SVEP1: variants seen among roughly 807,000 people sequenced by gnomAD.
SVEP1 encodes the protein sushi, von Willebrand factor type A, EGF and pentraxin domain-containing protein 1.
In SVEP1, 164 loss-of-function variants were observed where a neutral mutation model predicts 367.3. That is an observed-to-expected ratio of 0.45 (90% CI 0.39 to 0.51). SVEP1 has a LOEUF of 0.51. Among genes scored for constraint, SVEP1 ranks in the 20% least tolerant of loss-of-function variants. SVEP1 has a pLI of 0.00. For synonymous variants in SVEP1, 1,666 were observed against 1,611.6 expected, an observed-to-expected ratio of 1.03 and a Z score of -0.81; for missense variants, 4,117 against 4,425.3, an observed-to-expected ratio of 0.93 and a Z score of 1.98.
rs749930156 is a variant in SVEP1 at position 110,579,554 on chromosome 9, A to G, written c.-11T>C. ...CAGGCGAGGCCACATCGCGCTGGAGACAGAGCGGCTGCCCCGGAGCGCAGG... is the reference window on the plus strand; with the variant it reads ...CAGGCGAGGCCACATCGCGCTGGAGGCAGAGCGGCTGCCCCGGAGCGCAGG... On this transcript the variant is annotated 5_prime_UTR_variant, in exon 1 of 48. Coordinates refer to ENST00000374469, the MANE Select transcript of SVEP1 (RefSeq NM_153366.4). This position sits in a 1 kb window ranked among gnomAD's most constrained non-coding sequence, Gnocchi z 5.3. 2 of 1,576,464 alleles carry G rather than the reference A, an allele frequency of 1.3e-6. No homozygotes were observed. Among genetic ancestry groups the G allele is most frequent in the Admixed American group, 3.6e-5 (2 of 55,934 alleles).
In SVEP1 at chr9:110,446,888, G is replaced by A. The variant is rs1215205831; in HGVS notation, c.4261+12C>T. The A allele has an allele frequency of 6.4e-5, 97 of 1,509,382 alleles. No homozygotes were observed. Among genetic ancestry groups the A allele is most frequent in the Non-Finnish European group, 8.2e-5 (93 of 1,128,944 alleles). 93.5% of individuals were successfully genotyped at this position (1,509,382 alleles called of 1,614,324 possible). On this transcript the variant is annotated intron_variant, in intron 25 of 47. Coordinates refer to ENST00000374469, the MANE Select transcript of SVEP1 (RefSeq NM_153366.4). ...TTAGTATTGTTATTAATAACACTGAGTTGATACATACCTGTTTCACACCTT... is the reference window on the plus strand; with the variant it reads ...TTAGTATTGTTATTAATAACACTGAATTGATACATACCTGTTTCACACCTT...
rs1829154156 is a variant in SVEP1, at chr9:110,479,640, T to C, written c.2482A>G (p.Lys828Glu). The C allele has an allele frequency of 1.2e-6, 2 of 1,604,298 alleles. No homozygotes were observed. The highest frequency in any genetic ancestry group is 1.7e-6 in the Non-Finnish European group (2 of 1,177,088). ...FSEAFETTLG[K>E]MVPSFCSDAE... ...AATGACCACTATTGATGTACCATTTTTCCCAGGGTCGTCTCAAATGCTTCA... is the reference window on the plus strand; with the variant it reads ...AATGACCACTATTGATGTACCATTTCTCCCAGGGTCGTCTCAAATGCTTCA... Residue 828 changes from lysine to glutamate, a missense_variant, in exon 13 of 48, where the codon AAA (lysine) becomes GAA (glutamate). Coordinates refer to ENST00000374469, the MANE Select transcript of SVEP1 (RefSeq NM_153366.4).
intron 27 of SVEP1, among the ~76,000 whole-genome samples, chr9:110,440,554 T>C (rs1166704879): frequency 2.6e-5 from 4 of 152,208 alleles, no homozygotes; most frequent in Non-Finnish European, 5.9e-5. Context: ...TACTTTCCGA[T>C]ACAGTGTGGT....
At chr9:110,522,518 A>G (rs994525097) in intron 3 of SVEP1, among the ~76,000 whole-genome samples, 2 of 152,198 alleles carry the variant, frequency 1.3e-5, no homozygotes, top group African/African-American at 4.8e-5. Flanking sequence ...ATAGCAATTT[A>G]CCACCCAGCA....
intron 17 of SVEP1, 94 bp from the exon 18 acceptor site, chr9:110,466,120 G>A (rs1002950964): frequency 7.0e-6 from 9 of 1,283,572 alleles, no homozygotes; most frequent in South Asian, 1.7e-5. Context: ...TTTTAGTTTA[G>A]GACAGAAGGA....
In SVEP1 at chr9:110,383,973, T is replaced by A. The variant is rs1281776208; in HGVS notation, c.10237+1925A>T. Among the ~76,000 whole-genome samples the A allele has an allele frequency of 4.9e-5, 7 of 141,962 alleles. No individual in the cohort carries two copies. In the East Asian group the frequency reaches 1.4e-3, roughly 29 times the overall value. The allele number at this position is 141,962 out of a possible 152,430, so 93.1% of individuals were successfully genotyped here. A position where few individuals can be genotyped will look rare whatever the true frequency, so the allele number is the denominator to read the frequency against. ...CCTGGCACCAGCAGGGAAAAAAAAA[T>A]GGTAGACTGGAGCTGCAGTGATGGT... On this transcript the variant is annotated intron_variant, in intron 43 of 47. Transcript: ENST00000374469.
chr9:110,435,243 G>A lies in SVEP1; in HGVS notation c.4886C>T (p.Ser1629Phe). ...CTATGAAAGAAGGAAATTCTCACCA[G>A]AACAAAATATGCTCTTAGAATCGAT... ...VKIDSKSIFC[S>F]DCPRLGGSVP... The change falls in exon 29 of 48, where the codon TCT becomes TTT. Residue 1629 changes from serine (S) to phenylalanine (F), a missense_variant and splice_region_variant. Ser to Phe is a radical substitution (Grantham distance 155, BLOSUM62 -2). Transcript: ENST00000374469. The A allele has an allele frequency of 6.2e-7, 1 of 1,612,530 alleles. No individual in the cohort carries two copies. The highest frequency in any genetic ancestry group is 8.5e-7 in the Non-Finnish European group (1 of 1,178,982).
At chr9:110,377,512 T>A in intron 44 of SVEP1, 146 bp from the exon 45 acceptor site, 1 of 654,096 alleles carries the variant, frequency 1.5e-6, no homozygotes, top group Non-Finnish European at 2.6e-6. Context: ...AGGAGGGAAT[T>A]TCAGTATGTG....
intron 24 of SVEP1, among the ~76,000 whole-genome samples, chr9:110,447,848 T>C (rs1222449083): frequency 6.6e-5 from 10 of 152,132 alleles, no homozygotes. Flanking sequence ...AGAAAATGAA[T>C]CATGGTGTAG....
At chr9:110,504,746 T>G (rs1000866291) in intron 5 of SVEP1, among the ~76,000 whole-genome samples, 1 of 149,762 alleles carries the variant, frequency 6.7e-6, no homozygotes, top group South Asian at 2.1e-4. Context: ...TTCTAATTCC[T>G]TCTGCCCAGC....
intron 22 of SVEP1, among the ~76,000 whole-genome samples, chr9:110,454,702 G>A (rs1461052906): frequency 6.6e-6 from 1 of 152,148 alleles, no homozygotes; most frequent in Admixed American, 6.5e-5. Context: ...GTGAATTAAA[G>A]CAGGAACAGA....
rs1462284428 is a variant in SVEP1, at chr9:110,479,772, C to T, written c.2366-16G>A. 1.9e-6 allele frequency: 3 copies of T among 1,591,654 alleles called. No individual in the cohort carries two copies. The highest frequency in any genetic ancestry group is 2.3e-5 in the East Asian group (1 of 43,872). On this transcript the variant is annotated splice_polypyrimidine_tract_variant and intron_variant, in intron 12 of 47. Transcript: ENST00000374469. ...AAACGTTTTTCTAGAAAATGTTGGA[C>T]AAAACAGCTTCAGTTGGTTAGTGTT...
chr9:110,554,448 A>G (rs1344833354), intron 1 of SVEP1, among the ~76,000 whole-genome samples: 1 of 152,170 alleles, frequency 6.6e-6, no homozygotes, highest in Non-Finnish European at 1.5e-5. Context: ...TGGTCTCCAA[A>G]TACTATTACC....
intron 1 of SVEP1, among the ~76,000 whole-genome samples, chr9:110,566,037 G>A (rs562167513): frequency 3.4e-4 from 52 of 151,964 alleles, no homozygotes; most frequent in Admixed American, 7.9e-4. Flanking sequence ...TAACCTAACC[G>A]GCCAGGTCCA....
At chr9:110,387,964 AAT>A (rs1454342001) in intron 41 of SVEP1, among the ~76,000 whole-genome samples, 1 of 151,570 alleles carries the variant, frequency 6.6e-6, no homozygotes, top group African/African-American at 2.4e-5. Context: ...CTGAAATTTA[AAT>A]ATAACTGCAT....
At chr9:110,445,798 T>C in intron 26 of SVEP1, 39 bp downstream of exon 26, 4 of 1,608,598 alleles carry the variant, frequency 2.5e-6, no homozygotes, top group Non-Finnish European at 3.4e-6. Flanking sequence ...GGTTCCAAGA[T>C]AAGATCTTAA....
At chr9:110,545,444 T>C (rs529686998) in intron 3 of SVEP1, among the ~76,000 whole-genome samples, 30 of 152,344 alleles carry the variant, frequency 2.0e-4, no homozygotes, top group African/African-American at 7.2e-4. Flanking sequence ...TTTTTGTCTT[T>C]TTGATAGTAG....
At chr9:110,423,118 A>G (rs1467443872) in intron 36 of SVEP1, among the ~76,000 whole-genome samples, 3 of 143,526 alleles carry the variant, frequency 2.1e-5, no homozygotes, top group Non-Finnish European at 4.5e-5. Flanking sequence ...CTTAGAGTAT[A>G]ATAAAAAATA....
chr9:110,369,653 C>T, intron 47 of SVEP1: 1 of 335,776 alleles, frequency 3.0e-6, no homozygotes, highest in Non-Finnish European at 5.4e-6. Flanking sequence ...TACTAATCCT[C>T]TCTGTGAAGT....
Sources: allele counts gnomAD v4.1 joint callset (sites outside exome capture counted in the v4.1 genomes callset), GRCh38; gene constraint gnomAD v4.1.1; non-coding constraint Gnocchi (gnomAD v3.1); transcripts MANE v1.5; gene names NCBI Gene and HGNC (gene_info 2026-07-23, HGNC 2026-07-21).